Variants in AGPS observed in about 807,000 individuals in gnomAD.
The protein encoded by AGPS is alkylglycerone phosphate synthase.
In AGPS, 26 loss-of-function variants were observed where a neutral mutation model predicts 90.7. The ratio of observed to expected loss-of-function variants is 0.29; its 90% confidence interval spans 0.21 to 0.40. AGPS has a LOEUF of 0.40. Among genes scored for constraint, AGPS ranks in the 10% least tolerant of loss-of-function variants. The probability of loss-of-function intolerance (pLI) is 1.00; values close to 1 mark genes in which losing one functional copy is unlikely to be tolerated. For synonymous variants in AGPS, 294 were observed against 285.3 expected (o/e 1.03, Z -0.31); for missense variants, 540 against 816.1 (o/e 0.66, Z 4.12).
intron 11 of AGPS, 29 bp downstream of exon 11, chr2:177,482,215 A>G (rs1231148102): frequency 1.7e-6 from 2 of 1,194,436 alleles, no homozygotes; most frequent in Non-Finnish European, 2.4e-6. Context: ...ATATATACAT[A>G]CATACATATA....
At chr2:177,404,535 T>C (rs1440778978) in intron 1 of AGPS, among the ~76,000 whole-genome samples, 1 of 152,212 alleles carries the variant, frequency 6.6e-6, no homozygotes, top group African/African-American at 2.4e-5. Context: ...TACTCATTAG[T>C]GTACCATCCA....
intron 2 of AGPS, among the ~76,000 whole-genome samples, chr2:177,422,351 G>A (rs1477276224): frequency 6.6e-6 from 1 of 152,104 alleles, no homozygotes; most frequent in Non-Finnish European, 1.5e-5. Context: ...AGATTTGATG[G>A]TCTTGATAGA....
In AGPS at chr2:177,529,031, A is replaced by G. The variant is rs2079114479; in HGVS notation, c.1855+5226A>G. The stretch of plus-strand genomic sequence containing the variant: ...CCACCACACCCAGCTAATTTTTTGT[A>G]TTTTTAGTAGAGACGGGGTTTCACC... On this transcript the variant is annotated intron_variant, in intron 19 of 19. Transcript: ENST00000264167. Among the ~76,000 whole-genome samples the G allele has an allele frequency of 2.0e-5, 3 of 151,242 alleles. No homozygotes were observed. The South Asian group carries it at 6.3e-4, about 32-fold the overall frequency.
chr2:177,516,145 G>T (rs925701891), intron 17 of AGPS, among the ~76,000 whole-genome samples: 1 of 152,038 alleles, frequency 6.6e-6, no homozygotes, highest in East Asian at 1.9e-4. Flanking sequence ...TTACAAAGCT[G>T]TTCCAAAGTT....
chr2:177,436,682 A>C, intron 3 of AGPS, 82 bp from the exon 4 acceptor site: 11 of 1,392,322 alleles, frequency 7.9e-6, no homozygotes, highest in Non-Finnish European at 1.1e-5. Flanking sequence ...AAAAGTCTAC[A>C]TTTTATAGTC....
In AGPS at chr2:177,393,031, G is replaced by C. The variant is rs1219105840; in HGVS notation, c.242G>C (p.Gly81Ala). The C allele has an allele frequency of 1.9e-6, 3 of 1,550,374 alleles. No individual in the cohort carries two copies. The highest frequency in any genetic ancestry group is 2.6e-6 in the Non-Finnish European group (3 of 1,146,806). Residue 81 changes from glycine to alanine, a missense_variant, in exon 1 of 20, where the codon GGC (glycine) becomes GCC (alanine). By Grantham distance (60) the Gly-to-Ala change is moderately conservative. Around this residue, in one of 2 missense-constraint regions of AGPS, gnomAD observed 135 missense variants for 124.0 expected, o/e 1.09. Transcript: ENST00000264167. ...GCCACTCCCGCCGCGCAGGAGTCGG[G>C]CACCATCCCAAAGAAGCGGTGAGTA... is the stretch of plus-strand genomic sequence containing the variant. ...PTATPAAQES[G>A]TIPKKRQEVM...
chr2:177,399,691 C>T (rs1248726289), intron 1 of AGPS, among the ~76,000 whole-genome samples: 4 of 152,174 alleles, frequency 2.6e-5, no homozygotes, highest in African/African-American at 9.7e-5. Context: ...ATGAACACAT[C>T]TATTTTATCT....
chr2:177,460,597 T>A (rs190967775), intron 8 of AGPS, among the ~76,000 whole-genome samples: 28 of 152,312 alleles, frequency 1.8e-4, no homozygotes, highest in Admixed American at 2.6e-4. Context: ...TTTTTTCTTT[T>A]CCCAATTTCA....
rs1263412717 is a variant in AGPS at position 177,470,430 on chromosome 2, G to A, written c.1105+1906G>A. Among the ~76,000 whole-genome samples, 5 of 152,130 alleles carry A rather than the reference G, an allele frequency of 3.3e-5. No homozygotes were observed. In the South Asian group the frequency reaches 6.2e-4, roughly 19 times the overall value. ...AGAACTATAAGAGATTGGGCTGGGCGTGGTGGCTCACACCTGTAATCCCAG... is the reference window on the plus strand; with the variant it reads ...AGAACTATAAGAGATTGGGCTGGGCATGGTGGCTCACACCTGTAATCCCAG... On this transcript the variant is annotated intron_variant, in intron 10 of 19. Transcript: ENST00000264167.
At chr2:177,439,003 C>CACACAA (rs1375517927) in intron 5 of AGPS, among the ~76,000 whole-genome samples, 1 of 151,880 alleles carries the variant, frequency 6.6e-6, no homozygotes, top group Non-Finnish European at 1.5e-5. Flanking sequence ...CACACACACA[C>CACACAA]AACTGGAAAT....
intron 2 of AGPS, among the ~76,000 whole-genome samples, chr2:177,427,474 G>A (rs1314683317): frequency 1.3e-5 from 2 of 152,166 alleles, no homozygotes; most frequent in Non-Finnish European, 2.9e-5. Context: ...GGTTTTTGAT[G>A]TGGGCATTTT....
chr2:177,407,792 C>CT lies in AGPS; in HGVS notation c.261-12460dup, dbSNP rs66559811. On this transcript the variant is annotated intron_variant, in intron 1 of 19. Coordinates refer to ENST00000264167, the MANE Select transcript of AGPS (RefSeq NM_003659.4). ...CATTTTAATAGAGAAAACAAATTTC[C>CT]TTTTTTTTTTTTTTTTTAAAAAAAA... 1.3e-3 allele frequency among the ~76,000 whole-genome samples: 177 copies of CT among 139,342 alleles called. 2 individuals carry two copies. The highest frequency in any genetic ancestry group is 3.7e-3 in the African/African-American group (137 of 37,432). 91.4% of individuals were successfully genotyped at this position (139,342 alleles called of 152,430 possible).
At chr2:177,413,867 T>C (rs1343916963) in intron 1 of AGPS, among the ~76,000 whole-genome samples, 2 of 152,180 alleles carry the variant, frequency 1.3e-5, no homozygotes, top group Admixed American at 1.3e-4. Context: ...TGACTAATAG[T>C]GTGTATTTCC....
chr2:177,444,055 C>T (rs1303860664), intron 7 of AGPS, among the ~76,000 whole-genome samples: 2 of 152,128 alleles, frequency 1.3e-5, no homozygotes, highest in Non-Finnish European at 2.9e-5. Context: ...TTTCATTCTG[C>T]AATTTAATAA....
intron 19 of AGPS, among the ~76,000 whole-genome samples, chr2:177,527,461 A>G (rs1009240883): frequency 2.0e-5 from 3 of 152,064 alleles, no homozygotes; most frequent in Non-Finnish European, 4.4e-5. Flanking sequence ...AATATTATAC[A>G]TTACTATTTT....
At chr2:177,506,219 C>T (rs1247083491) in intron 15 of AGPS, among the ~76,000 whole-genome samples, 1 of 151,116 alleles carries the variant, frequency 6.6e-6, no homozygotes, top group African/African-American at 2.4e-5. Flanking sequence ...GCTGGGGTTA[C>T]TTTTTTTATT....
intron 1 of AGPS, among the ~76,000 whole-genome samples, chr2:177,398,213 A>G (rs1052156375): frequency 9.9e-5 from 15 of 152,214 alleles, no homozygotes; most frequent in African/African-American, 3.6e-4. Flanking sequence ...CTTAAAACTT[A>G]ACATCGTTTG....
chr2:177,419,150 T>C (rs1685872797), intron 1 of AGPS, among the ~76,000 whole-genome samples: 3 of 151,934 alleles, frequency 2.0e-5, no homozygotes, highest in Admixed American at 2.0e-4. Flanking sequence ...CTTAGTTGTA[T>C]TATGTTCATG....
intron 19 of AGPS, among the ~76,000 whole-genome samples, chr2:177,529,717 C>T (rs2079120625): frequency 6.6e-6 from 1 of 152,188 alleles, no homozygotes; most frequent in African/African-American, 2.4e-5. Flanking sequence ...TCCATAAATG[C>T]ATTAAGTATG....
Sources: gnomAD v4.1 joint callset for allele counts (sites outside exome capture counted in the v4.1 genomes callset) on GRCh38, gnomAD v4.1.1 for gene constraint, gnomAD v4.1.1 regional missense constraint, MANE v1.5 for transcripts, NCBI Gene and HGNC (gene_info 2026-07-23, HGNC 2026-07-21) for gene names.